The following RAD50 variants were observed in gnomAD, a reference collection of about 807,000 sequenced individuals.
RAD50 encodes RAD50 double strand break repair protein.
In RAD50, 132 loss-of-function variants were observed where a neutral mutation model predicts 168.8. The ratio of observed to expected loss-of-function variants is 0.78; its 90% CI spans 0.68 to 0.90. The LOEUF (loss-of-function observed/expected upper bound fraction) is 0.90, where lower values mean the gene tolerates loss of function less well. RAD50 is among the 40% of genes least tolerant of loss of function. The pLI is 0.00. For synonymous variants in RAD50, 525 were observed against 497.4 expected, an observed-to-expected ratio of 1.06 and a Z score of -0.74; for missense variants, 1,347 against 1,534.4, an observed-to-expected ratio of 0.88 and a Z score of 2.04.
intron 15 of RAD50, 61 bp from the exon 16 acceptor site, chr5:132,604,745 G>T: frequency 7.4e-7 from 1 of 1,347,286 alleles, no homozygotes; most frequent in Non-Finnish European, 1.0e-6. Flanking sequence ...TGGGAAGAAT[G>T]ATACAAATAG....
intron 21 of RAD50, among the ~76,000 whole-genome samples, chr5:132,620,197 G>T (rs1007358443): frequency 6.6e-6 from 1 of 152,062 alleles, no homozygotes; most frequent in African/African-American, 2.4e-5. Flanking sequence ...GAGCTGCCAC[G>T]CCCTACTTCT....
At chr5:132,629,606 G>A (rs967650613) in intron 21 of RAD50, among the ~76,000 whole-genome samples, 7 of 152,120 alleles carry the variant, frequency 4.6e-5, no homozygotes, top group Non-Finnish European at 8.8e-5. Context: ...GCTTATGCTC[G>A]CAAACAGTGG....
Position 132,616,041 on chromosome 5 carries a change from A to G in RAD50, c.3075A>G (p.Arg1025=), listed in dbSNP as rs1345095284. 6.2e-7 allele frequency: 1 copy of G among 1,603,042 alleles called. No homozygotes were observed. The highest frequency in any genetic ancestry group is 2.2e-5 in the East Asian group (1 of 44,764). The change falls in exon 20 of 25, where the codon AGA becomes AGG. Residue 1025 remains arginine, a synonymous_variant. Transcript: ENST00000378823. ...ERWLQDNLTL[R]KRNEELKEVE... Reference sequence around the variant, plus strand: ...GGCTACAAGATAACCTTACTTTAAGAAAAAGAAATGAGGAACTAAAAGAAG... The same window carrying G: ...GGCTACAAGATAACCTTACTTTAAGGAAAAGAAATGAGGAACTAAAAGAAG...
chr5:132,618,034 A>T, intron 20 of RAD50, 36 bp from the exon 21 acceptor site: 1 of 1,568,144 alleles, frequency 6.4e-7, no homozygotes. Flanking sequence ...TAAAAGCTAA[A>T]AAATGGTCCT....
intron 2 of RAD50, among the ~76,000 whole-genome samples, chr5:132,573,843 A>T (rs1481790575): frequency 1.3e-5 from 2 of 152,244 alleles, no homozygotes; most frequent in Admixed American, 6.5e-5. Flanking sequence ...GGGCAGGTGT[A>T]TCTTAAAGCT....
chr5:132,576,180 A>G (rs1012485310), intron 3 of RAD50, among the ~76,000 whole-genome samples: 1 of 152,208 alleles, frequency 6.6e-6, no homozygotes, highest in East Asian at 1.9e-4. Context: ...TGTGGATACT[A>G]TTTGTCAGTT....
chr5:132,628,568 G>T (rs112475627), intron 21 of RAD50, among the ~76,000 whole-genome samples: 1 of 151,926 alleles, frequency 6.6e-6, no homozygotes, highest in South Asian at 2.1e-4. Flanking sequence ...GACAGCAGCC[G>T]GGCACGGTGG....
intron 16 of RAD50, among the ~76,000 whole-genome samples, chr5:132,606,153 C>T (rs1046520173): frequency 3.3e-5 from 5 of 151,784 alleles, no homozygotes; most frequent in Non-Finnish European, 5.9e-5. Context: ...AGGAGATACA[C>T]GAAAAACCCT....
At position 132,559,378 on chromosome 5, in the gene RAD50, T is replaced by C. The variant is rs763761444; in HGVS notation, c.213+11T>C. 6.3e-7 allele frequency: 1 copy of C among 1,596,906 alleles called. No individual in the cohort carries two copies. The highest frequency in any genetic ancestry group is 8.5e-7 in the Non-Finnish European group (1 of 1,172,080). On this transcript the variant is annotated intron_variant, in intron 2 of 24. Coordinates refer to ENST00000378823, the MANE Select transcript of RAD50 (RefSeq NM_005732.4). Reference sequence around the variant, plus strand: ...GTACACGATCCCAAGGTAATGGTGCTAGTACAATTTTGTATTTTTATAATT... The same window carrying C: ...GTACACGATCCCAAGGTAATGGTGCCAGTACAATTTTGTATTTTTATAATT...
chr5:132,582,077 T>C (rs183198109), intron 5 of RAD50, among the ~76,000 whole-genome samples: 49 of 152,282 alleles, frequency 3.2e-4, no homozygotes, highest in African/African-American at 1.2e-3. Flanking sequence ...TGATCATAAA[T>C]GAGTAAGTCA....
intron 2 of RAD50, among the ~76,000 whole-genome samples, chr5:132,572,070 G>A (rs1292760181): frequency 6.6e-6 from 1 of 152,068 alleles, no homozygotes; most frequent in Non-Finnish European, 1.5e-5. Flanking sequence ...GAATTAGGCT[G>A]TAGAAAAAGA....
rs910157554 is a variant in RAD50, at chr5:132,585,509, C to T, written c.757-2053C>T. Among the ~76,000 whole-genome samples the T allele has an allele frequency of 4.0e-5, 6 of 150,122 alleles. 1 individual carries two copies. The South Asian group carries it at 6.3e-4, about 16-fold the overall frequency. ...TATTTATTTGCCACCTGAATATCTT[C>T]GTTAGTAAAATATAAAAGTCTTTTG... On this transcript the variant is annotated intron_variant, in intron 5 of 24. Transcript: ENST00000378823.
chr5:132,579,279 G>A, intron 3 of RAD50, 38 bp from the exon 4 acceptor site: 1 of 1,585,112 alleles, frequency 6.3e-7, no homozygotes. Context: ...TACACTGAAG[G>A]TTATTTTACA....
At chr5:132,637,253 C>T (rs1241433928) in intron 22 of RAD50, 53 bp downstream of exon 22, 2 of 1,579,574 alleles carry the variant, frequency 1.3e-6, no homozygotes, top group Non-Finnish European at 1.7e-6. Flanking sequence ...CTCCGCAGCT[C>T]TTCCCCTTAT....
In RAD50 at chr5:132,557,068, C is replaced by T. The variant is rs1418114184; in HGVS notation, c.-257C>T. ...ACGGCTTTGCGTCCCCGGCGGGCAG[C>T]CCCAGGCTGGTCCCCGCCTCCGCTC... On this transcript the variant is annotated 5_prime_UTR_variant, in exon 1 of 25. Coordinates refer to ENST00000378823, the MANE Select transcript of RAD50 (RefSeq NM_005732.4). 2 of 661,034 alleles carry T rather than the reference C, an allele frequency of 3.0e-6. No homozygotes were observed. Among genetic ancestry groups the T allele is most frequent in the Non-Finnish European group, 4.9e-6 (2 of 406,900 alleles). 40.9% of individuals were successfully genotyped at this position (661,034 alleles called of 1,614,324 possible). A position where few individuals can be genotyped will look rare whatever the true frequency, so the allele number is the denominator to read the frequency against.
chr5:132,629,484 C>T (rs868631044), intron 21 of RAD50, among the ~76,000 whole-genome samples: 1 of 152,144 alleles, frequency 6.6e-6, no homozygotes, highest in Non-Finnish European at 1.5e-5. Context: ...GCAATTTAGG[C>T]TTGTTAAGGA....
chr5:132,587,830 A>T, intron 6 of RAD50, 94 bp from the exon 7 acceptor site: 1 of 1,538,340 alleles, frequency 6.5e-7, no homozygotes, highest in Admixed American at 1.7e-5. Flanking sequence ...AAAATGAAGG[A>T]TATTGAATAA....
rs1220639872 is a variant in RAD50, at chr5:132,622,077, T to C, written c.3389+3783T>C. 2.6e-5 allele frequency among the ~76,000 whole-genome samples: 4 copies of C among 152,190 alleles called. No homozygotes were observed. The East Asian group carries it at 5.8e-4, about 22-fold the overall frequency. On this transcript the variant is annotated intron_variant, in intron 21 of 24. Coordinates refer to ENST00000378823, the MANE Select transcript of RAD50 (RefSeq NM_005732.4). ...AAATAAATTATTTAGCTGCTACTTA[T>C]ACTGCCTATTGAGTTGTCATTTTTT...
intron 1 of RAD50, among the ~76,000 whole-genome samples, chr5:132,557,689 C>T (rs73257757): frequency 6.6e-6 from 1 of 152,110 alleles, no homozygotes; most frequent in Non-Finnish European, 1.5e-5. Context: ...AAGAATCCCA[C>T]GATACCGGGA....
Sources: gnomAD v4.1 joint callset for allele counts (sites outside exome capture counted in the v4.1 genomes callset) on GRCh38, gnomAD v4.1.1 for gene constraint, MANE v1.5 for transcripts, NCBI Gene and HGNC (gene_info 2026-07-23, HGNC 2026-07-21) for gene names.